Variants in TMEM132D observed in about 807,000 individuals in gnomAD.
TMEM132D encodes mature OL transmembrane protein.
TMEM132D carries 21 observed loss-of-function variants against 62.3 expected under a neutral mutation model. That is an observed-to-expected ratio of 0.34 (90% confidence interval 0.24 to 0.49). The LOEUF (loss-of-function observed/expected upper bound fraction) is 0.49. TMEM132D is among the 20% of genes least tolerant of loss of function. TMEM132D has a pLI of 0.99. For synonymous variants in TMEM132D, 621 were observed against 575.6 expected, an observed-to-expected ratio of 1.08 and a Z score of -1.13; for missense variants, 1,346 against 1,402.8, an observed-to-expected ratio of 0.96 and a Z score of 0.65.
intron 2 of TMEM132D, among the ~76,000 whole-genome samples, chr12:129,632,321 A>G (rs1048123885): frequency 2.0e-5 from 3 of 152,190 alleles, no homozygotes; most frequent in African/African-American, 7.2e-5. Context: ...TTGGAATGGC[A>G]GGATTGGGGG....
intron 5 of TMEM132D, among the ~76,000 whole-genome samples, chr12:129,124,015 A>G (rs960206379): frequency 3.9e-5 from 6 of 152,192 alleles, no homozygotes; most frequent in Non-Finnish European, 5.9e-5. Flanking sequence ...GTGTGAGCCA[A>G]TTCCTATAAT....
chr12:129,220,156 G>T (rs1879312225), intron 4 of TMEM132D, among the ~76,000 whole-genome samples: 1 of 152,094 alleles, frequency 6.6e-6, no homozygotes, highest in East Asian at 1.9e-4. Context: ...CAGGAATATG[G>T]ATGGGATTGA....
At chr12:129,548,406 A>G (rs1204621481) in intron 2 of TMEM132D, among the ~76,000 whole-genome samples, 1 of 152,192 alleles carries the variant, frequency 6.6e-6, no homozygotes, top group South Asian at 2.1e-4. Flanking sequence ...AAAATCTATT[A>G]ATGTAATCTG....
chr12:129,723,386 C>T lies in TMEM132D; in HGVS notation c.80-22688G>A, dbSNP rs146643870. Among the ~76,000 whole-genome samples, 873 of 152,288 alleles carry T rather than the reference C, an allele frequency of 5.7e-3. 5 individuals carry two copies. Among genetic ancestry groups the T allele is most frequent in the African/African-American group, 0.02 (832 of 41,558 alleles). ...GCAGTCGCTCTCTCTGCCCCTCCTC[C>T]GCCCTGCTCTGCACCCAGGAAGCCG... On this transcript the variant is annotated intron_variant, in intron 1 of 8. Coordinates refer to ENST00000422113, the MANE Select transcript of TMEM132D (RefSeq NM_133448.3).
intron 5 of TMEM132D, among the ~76,000 whole-genome samples, chr12:129,117,713 C>G (rs1875937377): frequency 6.6e-6 from 1 of 152,164 alleles, no homozygotes; most frequent in South Asian, 2.1e-4. Context: ...TGATCTCAGA[C>G]TCTATTGCAG....
chr12:129,295,327 C>T (rs1881546097), intron 4 of TMEM132D, among the ~76,000 whole-genome samples: 1 of 151,994 alleles, frequency 6.6e-6, no homozygotes, highest in Non-Finnish European at 1.5e-5. Flanking sequence ...ACACTGTTGG[C>T]TAGACACTAC....
intron 2 of TMEM132D, among the ~76,000 whole-genome samples, chr12:129,608,637 C>T (rs1008275241): frequency 6.6e-6 from 1 of 152,216 alleles, no homozygotes; most frequent in Non-Finnish European, 1.5e-5. Context: ...AAAGAACCTA[C>T]ATATTCCGTA....
intron 5 of TMEM132D, among the ~76,000 whole-genome samples, chr12:129,207,173 T>C (rs1471227429): frequency 2.0e-5 from 3 of 151,534 alleles, no homozygotes; most frequent in Non-Finnish European, 1.5e-5. Flanking sequence ...GTGATAAGAA[T>C]AGAGCAGCAA....
intron 4 of TMEM132D, among the ~76,000 whole-genome samples, chr12:129,222,072 G>T (rs1362404237): frequency 6.6e-6 from 1 of 151,884 alleles, no homozygotes; most frequent in African/African-American, 2.4e-5. Flanking sequence ...GCTGTGGTAT[G>T]GTATGCAGAG....
intron 3 of TMEM132D, among the ~76,000 whole-genome samples, chr12:129,459,921 G>A (rs1873603556): frequency 6.6e-6 from 1 of 152,168 alleles, no homozygotes; most frequent in Non-Finnish European, 1.5e-5. Context: ...ATGCATAGAA[G>A]CATAGAACTG....
At chr12:129,717,506 CATT>C (rs1195927413) in intron 1 of TMEM132D, among the ~76,000 whole-genome samples, 5 of 148,776 alleles carry the variant, frequency 3.4e-5, no homozygotes, top group African/African-American at 1.2e-4. Flanking sequence ...AAATATTTAA[CATT>C]AATAATATAT....
intron 1 of TMEM132D, among the ~76,000 whole-genome samples, chr12:129,877,039 A>C (rs1874435338): frequency 6.6e-6 from 1 of 152,146 alleles, no homozygotes; most frequent in African/African-American, 2.4e-5. Context: ...TGCAAATGCA[A>C]CTTCTATCCG....
intron 4 of TMEM132D, among the ~76,000 whole-genome samples, chr12:129,244,310 C>T (rs534389039): frequency 8.1e-5 from 12 of 148,402 alleles, no homozygotes; most frequent in South Asian, 6.4e-4. Flanking sequence ...GGCGTGAGCC[C>T]GGGAGGCGGA....
Position 129,903,190 on chromosome 12 carries a change from C to T in TMEM132D, c.79+71G>A. 6.7e-7 allele frequency: 1 copy of T among 1,497,466 alleles called. No homozygotes were observed. The highest frequency in any genetic ancestry group is 9.1e-7 in the Non-Finnish European group (1 of 1,099,606). The allele number at this position is 1,497,466 out of a possible 1,614,324, so 92.8% of individuals were successfully genotyped here. A position where few individuals can be genotyped will look rare whatever the true frequency, so the allele number is the denominator to read the frequency against. ...GCCCTCTCTCCCGGCCGCCCCCATC[C>T]TCCACACACTCCCACACACTCACTC... On this transcript the variant is annotated intron_variant, in intron 1 of 8. Transcript: ENST00000422113. The surrounding 1 kb of genome is among the most constrained non-coding windows in gnomAD (Gnocchi z 6.2).
intron 4 of TMEM132D, among the ~76,000 whole-genome samples, chr12:129,258,265 G>T (rs185761917): frequency 5.3e-4 from 80 of 152,102 alleles, no homozygotes; most frequent in Admixed American, 3.4e-3. Context: ...ATAGCAGATA[G>T]TACATATATA....
intron 3 of TMEM132D, among the ~76,000 whole-genome samples, chr12:129,451,725 T>C (rs574211410): frequency 1.3e-4 from 20 of 152,152 alleles, no homozygotes; most frequent in African/African-American, 3.4e-4. Context: ...AGGACTGATA[T>C]GGCAGCTTCA....
At chr12:129,312,878 G>T (rs1882014193) in intron 4 of TMEM132D, among the ~76,000 whole-genome samples, 1 of 152,132 alleles carries the variant, frequency 6.6e-6, no homozygotes, top group South Asian at 2.1e-4. Flanking sequence ...CTTAGACCAG[G>T]GTATTTGCAT....
intron 4 of TMEM132D, among the ~76,000 whole-genome samples, chr12:129,293,698 G>A (rs1371965617): frequency 4.6e-5 from 7 of 152,144 alleles, no homozygotes; most frequent in Non-Finnish European, 7.4e-5. Context: ...TAGATCCCTC[G>A]CATGTGCAGT....
At chr12:129,668,129 A>G (rs1880420122) in intron 2 of TMEM132D, among the ~76,000 whole-genome samples, 1 of 151,066 alleles carries the variant, frequency 6.6e-6, no homozygotes. Flanking sequence ...AGAAAAGCGA[A>G]TGGCATCTGG....
Sources: allele counts gnomAD v4.1 joint callset (sites outside exome capture counted in the v4.1 genomes callset), GRCh38; gene constraint gnomAD v4.1.1; non-coding constraint Gnocchi (gnomAD v3.1); transcripts MANE v1.5; gene names NCBI Gene and HGNC (gene_info 2026-07-23, HGNC 2026-07-21).